Variants in PPP2R5D observed in about 807,000 individuals in gnomAD.
The protein encoded by PPP2R5D is protein phosphatase 2 regulatory subunit B'delta, also known as serine/threonine-protein phosphatase 2A 56 kDa regulatory subunit delta isoform.
Under a neutral mutation model 79.1 loss-of-function variants are expected in PPP2R5D, and 12 were observed. The ratio of observed to expected loss-of-function variants is 0.15; its 90% CI spans 0.10 to 0.25. The LOEUF (loss-of-function observed/expected upper bound fraction) is 0.25. PPP2R5D is among the 10% of genes least tolerant of loss of function. PPP2R5D has a pLI of 1.00. For synonymous variants in PPP2R5D, 277 were observed against 286.6 expected (o/e 0.97, Z 0.34); for missense variants, 419 against 760.2 (o/e 0.55, Z 5.28).
chr6:42,986,242 C>G (rs1023816800), intron 1 of PPP2R5D, among the ~76,000 whole-genome samples: 1 of 152,140 alleles, frequency 6.6e-6, no homozygotes, highest in South Asian at 2.1e-4. Flanking sequence ...ACATAGGATG[C>G]TAGGATACCA....
chr6:43,007,432 T>G lies in PPP2R5D; in HGVS notation c.652T>G (p.Leu218Val). 6.2e-7 allele frequency: 1 copy of G among 1,613,406 alleles called. No homozygotes were observed. The highest frequency in any genetic ancestry group is 8.5e-7 in the Non-Finnish European group (1 of 1,179,300). Residue 218 changes from leucine to valine, a missense_variant, in exon 6 of 16, where the codon TTA becomes GTA. By Grantham distance (32) the Leu-to-Val change is conservative. Coordinates refer to ENST00000485511, the MANE Select transcript of PPP2R5D (RefSeq NM_006245.4). This position sits in a 1 kb window ranked among gnomAD's most constrained non-coding sequence, Gnocchi z 4.5. ...CCTATAGCTCGTGTATGAGTTCTTC[T>G]TACGTTTCCTTGAGTCTCCTGATTT... ...PHLQLVYEFF[L>V]RFLESPDFQP...
intron 2 of PPP2R5D, among the ~76,000 whole-genome samples, chr6:43,005,731 C>T (rs759086873): frequency 6.6e-6 from 1 of 152,066 alleles, no homozygotes; most frequent in Non-Finnish European, 1.5e-5. Flanking sequence ...AAGCGATTCT[C>T]CTGCCTCAGC....
chr6:43,011,033 A>G (rs1158339121), intron 15 of PPP2R5D, 36 bp downstream of exon 15: 1 of 1,608,808 alleles, frequency 6.2e-7, no homozygotes, highest in Non-Finnish European at 8.5e-7. Flanking sequence ...AGCAGAAATA[A>G]TAGCTCTGGA....
intron 2 of PPP2R5D, among the ~76,000 whole-genome samples, chr6:43,000,185 T>G (rs1772079958): frequency 6.7e-6 from 1 of 149,010 alleles, no homozygotes; most frequent in South Asian, 2.1e-4. Context: ...CTAGCCACCT[T>G]GGCCTGCCAA....
rs1762071089 is a variant in PPP2R5D at position 43,006,293 on chromosome 6, A to G, written c.106-170A>G. On this transcript the variant is annotated intron_variant, in intron 2 of 15. Coordinates refer to ENST00000485511, the MANE Select transcript of PPP2R5D (RefSeq NM_006245.4). This position sits in a 1 kb window ranked among gnomAD's most constrained non-coding sequence, Gnocchi z 4.7. ...TGTGACTTCTTGACTGCTCCCTGCC[A>G]GGGCTACAGCACAGTTATCTCTGTA... Among the ~76,000 whole-genome samples the G allele has an allele frequency of 6.6e-6, 1 of 152,228 alleles. No homozygotes were observed. Among genetic ancestry groups the G allele is most frequent in the Admixed American group, 6.5e-5 (1 of 15,284 alleles).
At chr6:42,988,895 T>C (rs1771044285) in intron 1 of PPP2R5D, among the ~76,000 whole-genome samples, 1 of 152,204 alleles carries the variant, frequency 6.6e-6, no homozygotes, top group Non-Finnish European at 1.5e-5. Flanking sequence ...TTTTTTTGGC[T>C]CGAAGCATAG....
In PPP2R5D at chr6:43,008,931, C is replaced by A; in HGVS notation, c.1081-126C>A. 3 of 1,299,126 alleles carry A rather than the reference C, an allele frequency of 2.3e-6. No individual in the cohort carries two copies. Among genetic ancestry groups the A allele is most frequent in the Non-Finnish European group, 3.2e-6 (3 of 930,514 alleles). The allele number at this position is 1,299,126 out of a possible 1,614,324, so 80.5% of individuals were successfully genotyped here. A position where few individuals can be genotyped will look rare whatever the true frequency, so the allele number is the denominator to read the frequency against. On this transcript the variant is annotated intron_variant, in intron 10 of 15. Coordinates refer to ENST00000485511, the MANE Select transcript of PPP2R5D (RefSeq NM_006245.4). This position sits in a 1 kb window ranked among gnomAD's most constrained non-coding sequence, Gnocchi z 4.2. ...AGGAAACAGATCCAAGGCAAAGAAACGGGTAGCTGGCTGAGATCACCCAAA... is the reference window on the plus strand; with the variant it reads ...AGGAAACAGATCCAAGGCAAAGAAAAGGGTAGCTGGCTGAGATCACCCAAA...
Position 43,011,310 on chromosome 6 carries a change from C to CCACAGCCCA in PPP2R5D, c.*33_*41dup, listed in dbSNP as rs749097692. ...GACCCCTCACGTTCCTACCACAGGGCCACAGCCCACACAGCCCTGGGACAC... is the reference window on the plus strand; with the variant it reads ...GACCCCTCACGTTCCTACCACAGGGCCACAGCCCACACAGCCCACACAGCCCTGGGACAC... On this transcript the variant is annotated 3_prime_UTR_variant, in exon 16 of 16. Transcript: ENST00000485511. 6.2e-7 allele frequency: 1 copy of CCACAGCCCA among 1,612,900 alleles called. No individual in the cohort carries two copies. Among genetic ancestry groups the CCACAGCCCA allele is most frequent in the African/African-American group, 1.3e-5 (1 of 74,886 alleles).
chr6:43,006,452 TG>T lies in PPP2R5D; in HGVS notation c.106-10del, dbSNP rs1431714028. ...GGGAAGTGGATTTCAACAGGTGACT[TG>T]TTTGACCAGGCCCAGCCGCAGCCCC... On this transcript the variant is annotated splice_polypyrimidine_tract_variant and intron_variant, in intron 2 of 15. Coordinates refer to ENST00000485511, the MANE Select transcript of PPP2R5D (RefSeq NM_006245.4). The surrounding 1 kb of genome is among the most constrained non-coding windows in gnomAD (Gnocchi z 4.7). 1 of 1,611,868 alleles carries T rather than the reference TG, an allele frequency of 6.2e-7. No homozygotes were observed. The highest frequency in any genetic ancestry group is 1.1e-5 in the South Asian group (1 of 90,904).
At position 43,009,503 on chromosome 6, in the gene PPP2R5D, G is replaced by A. The variant is rs1762247670; in HGVS notation, c.1379+54G>A. 1.2e-6 allele frequency: 2 copies of A among 1,609,924 alleles called. No homozygotes were observed. The highest frequency in any genetic ancestry group is 1.7e-6 in the Non-Finnish European group (2 of 1,177,856). On this transcript the variant is annotated intron_variant, in intron 12 of 15. Coordinates refer to ENST00000485511, the MANE Select transcript of PPP2R5D (RefSeq NM_006245.4). This position sits in a 1 kb window ranked among gnomAD's most constrained non-coding sequence, Gnocchi z 5.6. The stretch of plus-strand genomic sequence containing the variant: ...GGGGATCCAGTTTGGGAAACTTTGA[G>A]GGTATGGAAGAACTAAAGAGCCAGG...
At position 43,011,336 on chromosome 6, in the gene PPP2R5D, T is replaced by A; in HGVS notation, c.*50T>A. The A allele has an allele frequency of 6.2e-7, 1 of 1,609,332 alleles. No individual in the cohort carries two copies. Among genetic ancestry groups the A allele is most frequent in the Non-Finnish European group, 8.5e-7 (1 of 1,177,966 alleles). On this transcript the variant is annotated 3_prime_UTR_variant, in exon 16 of 16. Transcript: ENST00000485511. ...CACAGCCCACACAGCCCTGGGACAC[T>A]GCCCTGGCCCTCCATACTCTGCTCC... is the stretch of plus-strand genomic sequence containing the variant.
intron 2 of PPP2R5D, among the ~76,000 whole-genome samples, chr6:42,993,842 T>C (rs1771446767): frequency 6.6e-6 from 1 of 152,208 alleles, no homozygotes. Context: ...TCACAGATTC[T>C]AGGTGGACAT....
intron 2 of PPP2R5D, among the ~76,000 whole-genome samples, chr6:42,990,857 A>AT (rs1258368684): frequency 6.6e-6 from 1 of 151,498 alleles, no homozygotes; most frequent in Non-Finnish European, 1.5e-5. Context: ...TTACAGGCGC[A>AT]TGCCACCATG....
rs1762387947 is a variant in PPP2R5D at position 43,012,268 on chromosome 6, A to G, written c.*982A>G. 7.4e-7 allele frequency: 1 copy of G among 1,343,848 alleles called. No homozygotes were observed. Among genetic ancestry groups the G allele is most frequent in the African/African-American group, 1.5e-5 (1 of 67,494 alleles). 83.2% of individuals were successfully genotyped at this position (1,343,848 alleles called of 1,614,324 possible). A position where few individuals can be genotyped will look rare whatever the true frequency, so the allele number is the denominator to read the frequency against. The stretch of plus-strand genomic sequence containing the variant: ...AGGGTGCTTTATTCTCCACAGAGTG[A>G]TACATGCTAAGGTGGGTTGGGCTTG... On this transcript the variant is annotated 3_prime_UTR_variant, in exon 16 of 16. Coordinates refer to ENST00000485511, the MANE Select transcript of PPP2R5D (RefSeq NM_006245.4).
In PPP2R5D at chr6:43,011,646, C is replaced by T. The variant is rs1351852564; in HGVS notation, c.*360C>T. The T allele has an allele frequency of 4.7e-5, 12 of 255,008 alleles. No homozygotes were observed. The highest frequency in any genetic ancestry group is 1.3e-3 in the Middle Eastern group (1 of 758). 15.8% of individuals were successfully genotyped at this position (255,008 alleles called of 1,614,324 possible). A position where few individuals can be genotyped will look rare whatever the true frequency, so the allele number is the denominator to read the frequency against. On this transcript the variant is annotated 3_prime_UTR_variant, in exon 16 of 16. Coordinates refer to ENST00000485511, the MANE Select transcript of PPP2R5D (RefSeq NM_006245.4). ...ATTCTTCCCTTCATCCTCATTTGAA[C>T]GCCAGGTATCTCCCCTCCTCTCTCT...
rs546796310 is a variant in PPP2R5D, at chr6:42,991,914, T to G, written c.105+2226T>G. Among the ~76,000 whole-genome samples the G allele has an allele frequency of 4.0e-4, 61 of 152,330 alleles. 1 individual carries two copies. The highest frequency in any genetic ancestry group is 4.0e-3 in the Admixed American group (61 of 15,300). ...CTTGGGCTGTTTGGTGAAACGCTGC[T>G]CAGGGTTCACAGGTATGAGATGGCA... is the stretch of plus-strand genomic sequence containing the variant. On this transcript the variant is annotated intron_variant, in intron 2 of 15. Coordinates refer to ENST00000485511, the MANE Select transcript of PPP2R5D (RefSeq NM_006245.4).
rs779811619 is a variant in PPP2R5D at position 43,010,623 on chromosome 6, T to C, written c.1482-41T>C. On this transcript the variant is annotated intron_variant, in intron 13 of 15. Transcript: ENST00000485511. This position sits in a 1 kb window ranked among gnomAD's most constrained non-coding sequence, Gnocchi z 4.7. ...CATCTTCTACCACCAGCTCACTGTG[T>C]TTCTCTCAAGCCCAACCCCAATCCT... 4 of 1,613,542 alleles carry C rather than the reference T, an allele frequency of 2.5e-6. No individual in the cohort carries two copies. The South Asian group carries it at 3.3e-5, about 13-fold the overall frequency.
chr6:43,010,847 G>A lies in PPP2R5D; in HGVS notation c.1555-34G>A, dbSNP rs771880359. On this transcript the variant is annotated intron_variant, in intron 14 of 15. Transcript: ENST00000485511. The surrounding 1 kb of genome is among the most constrained non-coding windows in gnomAD (Gnocchi z 4.7). ...ACACAGGCCCCCAAGCCTCTGAAGT[G>A]GCTCTTAACGCTTGTCCATGTCTCC... 32 of 1,604,050 alleles carry A rather than the reference G, an allele frequency of 2.0e-5. No individual in the cohort carries two copies. Among genetic ancestry groups the A allele is most frequent in the Non-Finnish European group, 2.7e-5 (32 of 1,171,864 alleles).
intron 1 of PPP2R5D, among the ~76,000 whole-genome samples, chr6:42,989,047 C>T (rs1309866858): frequency 2.0e-5 from 3 of 152,204 alleles, no homozygotes; most frequent in African/African-American, 7.2e-5. Flanking sequence ...GTGCTCTTGG[C>T]ATTTTGAGTG....
Sources: gnomAD v4.1 joint callset for allele counts (sites outside exome capture counted in the v4.1 genomes callset) on GRCh38, gnomAD v4.1.1 for gene constraint, Gnocchi (gnomAD v3.1) non-coding constraint, MANE v1.5 for transcripts, NCBI Gene and HGNC (gene_info 2026-07-23, HGNC 2026-07-21) for gene names.